ALK: variants seen among roughly 807,000 people sequenced by gnomAD.
ALK encodes ALK tyrosine kinase receptor.
ALK carries 74 observed loss-of-function variants against 163.1 expected under a neutral mutation model. The ratio of observed to expected loss-of-function variants is 0.45; its 90% CI spans 0.38 to 0.55. The LOEUF (loss-of-function observed/expected upper bound fraction) is 0.55. ALK is among the 20% of genes least tolerant of loss of function. ALK has a pLI of 0.00. For missense variants in ALK, 2,063 were observed against 2,105.3 expected, an observed-to-expected ratio of 0.98 and a Z score of 0.39; for synonymous variants, 960 against 843.2, an observed-to-expected ratio of 1.14 and a Z score of -2.40.
At chr2:29,273,239 C>T (rs766602930) in intron 11 of ALK, among the ~76,000 whole-genome samples, 12 of 152,234 alleles carry the variant, frequency 7.9e-5, no homozygotes, top group Non-Finnish European at 1.2e-4. Flanking sequence ...GTGCTGGGCA[C>T]GTGTCTGCTG....
chr2:29,717,550 C>T (rs767681871), intron 2 of ALK, 28 bp downstream of exon 2: 1 of 1,613,380 alleles, frequency 6.2e-7, no homozygotes, highest in Non-Finnish European at 8.5e-7. Flanking sequence ...GACAGTGTAT[C>T]TCAAGTAAAT....
chr2:29,672,205 T>C (rs1360103117), intron 3 of ALK, among the ~76,000 whole-genome samples: 16 of 151,998 alleles, frequency 1.1e-4, no homozygotes, highest in Non-Finnish European at 2.1e-4. Context: ...CTTTAAGTTT[T>C]AGGGTACATG....
chr2:29,203,418 T>A (rs1669229889), intron 26 of ALK, among the ~76,000 whole-genome samples: 1 of 108,676 alleles, frequency 9.2e-6, no homozygotes, highest in Non-Finnish European at 1.7e-5. Context: ...TATTTTTTAC[T>A]ATTAATTTTT....
At chr2:29,206,776 G>GGT (rs3028218) in intron 26 of ALK, among the ~76,000 whole-genome samples, 34,100 of 150,290 alleles carry the variant, frequency 0.23, 5,000 homozygotes, top group Non-Finnish European at 0.33. Context: ...TCCCTTTATT[G>GGT]GTGTGTGTGT....
At chr2:29,653,854 G>A (rs913906765) in intron 3 of ALK, among the ~76,000 whole-genome samples, 7 of 152,146 alleles carry the variant, frequency 4.6e-5, no homozygotes, top group African/African-American at 1.7e-4. Context: ...TTGAGATCAG[G>A]AGTTCAAGAC....
chr2:29,731,317 A>G (rs1679735757), intron 1 of ALK, among the ~76,000 whole-genome samples: 1 of 152,204 alleles, frequency 6.6e-6, no homozygotes, highest in South Asian at 2.1e-4. Context: ...GGGGCTCATC[A>G]TGACTGGTGA....
chr2:29,778,657 C>T (rs1370679288), intron 1 of ALK, among the ~76,000 whole-genome samples: 1 of 152,110 alleles, frequency 6.6e-6, no homozygotes, highest in Non-Finnish European at 1.5e-5. Flanking sequence ...TGCTTCGCAC[C>T]CTCATTCCTA....
rs150238089 is a variant in ALK, at chr2:29,856,865, T to C, written c.667+63128A>G. Among the ~76,000 whole-genome samples, 41 of 152,326 alleles carry C rather than the reference T, an allele frequency of 2.7e-4. No homozygotes were observed. The East Asian group carries it at 7.3e-3, about 27-fold the overall frequency. ...TTCCTGAGTTAGACAGGGCGCTGAA[T>C]TGGATGACCTCGCAGTTTCTCCCGC... On this transcript the variant is annotated intron_variant, in intron 1 of 28. Coordinates refer to ENST00000389048, the MANE Select transcript of ALK (RefSeq NM_004304.5).
In ALK at chr2:29,920,908, G is replaced by A. The variant is rs1558550545; in HGVS notation, c.-249C>T. The A allele has an allele frequency of 3.7e-6, 2 of 546,132 alleles. No homozygotes were observed. Among genetic ancestry groups the A allele is most frequent in the Non-Finnish European group, 3.3e-6 (1 of 307,004 alleles). The allele number at this position is 546,132 out of a possible 1,614,324, so 33.8% of individuals were successfully genotyped here. A position where few individuals can be genotyped will look rare whatever the true frequency, so the allele number is the denominator to read the frequency against. The stretch of plus-strand genomic sequence containing the variant: ...GACACTCAAGCACACTGGGCTCACT[G>A]GCTGGGACCTTGAGCCTCCCGCTCT... On this transcript the variant is annotated 5_prime_UTR_variant, in exon 1 of 29. Transcript: ENST00000389048.
chr2:29,548,831 G>C (rs1366457544), intron 3 of ALK, among the ~76,000 whole-genome samples: 2 of 152,076 alleles, frequency 1.3e-5, no homozygotes, highest in Non-Finnish European at 2.9e-5. Context: ...TACCTTGGGG[G>C]GGATGTTTTT....
At chr2:29,224,659 C>A (rs527919540) in intron 19 of ALK, 1 of 223,462 alleles carries the variant, frequency 4.5e-6, no homozygotes, top group African/African-American at 2.2e-5. Flanking sequence ...ATGGACCGAC[C>A]GTGATCAGAT....
intron 1 of ALK, among the ~76,000 whole-genome samples, chr2:29,758,933 C>T (rs1173281991): frequency 6.6e-6 from 1 of 152,084 alleles, no homozygotes; most frequent in Non-Finnish European, 1.5e-5. Context: ...GTTTCCTGTC[C>T]AACAATTTGC....
chr2:29,364,509 A>G (rs1668457843), intron 5 of ALK, among the ~76,000 whole-genome samples: 3 of 152,204 alleles, frequency 2.0e-5, no homozygotes, highest in African/African-American at 4.8e-5. Flanking sequence ...TGAAGGACAC[A>G]CCATCCTTGA....
intron 4 of ALK, among the ~76,000 whole-genome samples, chr2:29,511,176 GT>G (rs1292012499): frequency 6.6e-6 from 1 of 152,098 alleles, no homozygotes; most frequent in Non-Finnish European, 1.5e-5. Context: ...AGGTTGATGA[GT>G]TTTAATAGTT....
intron 19 of ALK, among the ~76,000 whole-genome samples, 178 bp downstream of exon 19, chr2:29,225,283 G>A (rs551767053): frequency 2.0e-5 from 3 of 152,130 alleles, no homozygotes; most frequent in South Asian, 2.1e-4. Flanking sequence ...CTGCTCTGGT[G>A]GGGGGAAGGT....
intron 1 of ALK, among the ~76,000 whole-genome samples, chr2:29,768,743 G>GTGTATA (rs373708982): frequency 9.2e-4 from 138 of 150,680 alleles, no homozygotes; most frequent in African/African-American, 2.3e-3. Flanking sequence ...GTGTGTGTGT[G>GTGTATA]TATATATGTA....
rs371735276 is a variant in ALK, at chr2:29,225,498, C to T, written c.3135G>A (p.Val1045=). The T allele has an allele frequency of 9.9e-6, 16 of 1,613,452 alleles. No homozygotes were observed. The highest frequency in any genetic ancestry group is 1.4e-5 in the Non-Finnish European group (16 of 1,179,960). ...LILSVVTSAL[V]AALVLAFSGI... ...CGGAGAAAGCCAGGACCAGGGCGGC[C>T]ACGAGGGCAGAGGTCACCACAGAGA... Residue 1045 remains valine (V), a synonymous_variant, in exon 19 of 29, where the codon GTG becomes GTA. Coordinates refer to ENST00000389048, the MANE Select transcript of ALK (RefSeq NM_004304.5).
chr2:29,429,616 G>C (rs977114114), intron 4 of ALK, among the ~76,000 whole-genome samples: 1 of 152,008 alleles, frequency 6.6e-6, no homozygotes, highest in African/African-American at 2.4e-5. Flanking sequence ...CCCAGACATG[G>C]AGCAGAAGAC....
chr2:29,744,659 G>C (rs1236453355), intron 1 of ALK, among the ~76,000 whole-genome samples: 1 of 152,064 alleles, frequency 6.6e-6, no homozygotes, highest in African/African-American at 2.4e-5. Context: ...AGAGTGCAGT[G>C]TTTCAATCAC....
Sources: gnomAD v4.1 joint callset for allele counts (sites outside exome capture counted in the v4.1 genomes callset) on GRCh38, gnomAD v4.1.1 for gene constraint, MANE v1.5 for transcripts, NCBI Gene and HGNC (gene_info 2026-07-23, HGNC 2026-07-21) for gene names.